RASEF: variants seen among roughly 807,000 people sequenced by gnomAD.
RASEF encodes the protein ras and EF-hand domain-containing protein.
A neutral mutation model predicts 90.1 loss-of-function variants in RASEF; 68 were observed. The observed-to-expected ratio is 0.75, with a 90% confidence interval of 0.62 to 0.92. The LOEUF (loss-of-function observed/expected upper bound fraction) is 0.92. Ranked by LOEUF, RASEF falls within the 40% of genes least tolerant of loss-of-function variation. The pLI, the probability that RASEF is intolerant of heterozygous loss-of-function variation, is 0.00. For missense variants in RASEF, 949 were observed against 937.2 expected (o/e 1.01, Z -0.16); for synonymous variants, 331 against 345.2 (o/e 0.96, Z 0.46).
chr9:83,060,938 A>G (rs1830192077), intron 1 of RASEF, among the ~76,000 whole-genome samples: 2 of 152,214 alleles, frequency 1.3e-5, no homozygotes, highest in South Asian at 2.1e-4. Context: ...ACACTGACCC[A>G]GGTCATTTCA....
chr9:83,155,872 G>A, the RASEF span, among the ~76,000 whole-genome samples: 1 of 152,190 alleles, frequency 6.6e-6, no homozygotes, highest in Non-Finnish European at 1.5e-5. Context: ...CTGCCAGCAT[G>A]ATTTGGTTTC....
chr9:83,208,449 T>C, the RASEF span, among the ~76,000 whole-genome samples: 1 of 152,188 alleles, frequency 6.6e-6, no homozygotes, highest in African/African-American at 2.4e-5. Flanking sequence ...GAAGTAACCA[T>C]TTCTGGGTGG....
At chr9:83,169,341 T>C in the RASEF span, among the ~76,000 whole-genome samples, 1 of 134,568 alleles carries the variant, frequency 7.4e-6, no homozygotes, top group Non-Finnish European at 1.6e-5. Context: ...TCTGATATAC[T>C]GATTTCCATA....
chr9:83,154,181 A>G, the RASEF span, among the ~76,000 whole-genome samples: 1 of 152,180 alleles, frequency 6.6e-6, no homozygotes, highest in Non-Finnish European at 1.5e-5. Context: ...AATGGGGTTC[A>G]GATTCCTTAG....
intron 1 of RASEF, among the ~76,000 whole-genome samples, chr9:83,047,126 C>T (rs1211825185): frequency 6.6e-6 from 1 of 152,008 alleles, no homozygotes; most frequent in Non-Finnish European, 1.5e-5. Flanking sequence ...TTGGTGTGCA[C>T]GTGATGGGAA....
the RASEF span, among the ~76,000 whole-genome samples, chr9:83,204,759 T>C: frequency 6.6e-6 from 1 of 152,180 alleles, no homozygotes; most frequent in Admixed American, 6.5e-5. Flanking sequence ...CTGATACTGA[T>C]AACAATGATG....
the RASEF span, among the ~76,000 whole-genome samples, chr9:83,195,725 C>T: frequency 7.7e-3 from 1,166 of 151,784 alleles, 4 homozygotes; most frequent in Middle Eastern, 0.017. Context: ...CAGGTTGGCT[C>T]GGGAGAGTGC....
the RASEF span, among the ~76,000 whole-genome samples, chr9:83,153,463 C>T: frequency 6.6e-6 from 1 of 152,164 alleles, no homozygotes; most frequent in Non-Finnish European, 1.5e-5. Flanking sequence ...TTTAAGAAGA[C>T]CTTCTCTAAT....
At chr9:83,001,595 A>G (rs180840255) in intron 9 of RASEF, among the ~76,000 whole-genome samples, 5 of 152,300 alleles carry the variant, frequency 3.3e-5, no homozygotes, top group Non-Finnish European at 1.5e-5. Flanking sequence ...TGTCAGACTC[A>G]AGACCCTCAG....
At chr9:83,149,655 C>T in the RASEF span, among the ~76,000 whole-genome samples, 6 of 152,110 alleles carry the variant, frequency 3.9e-5, no homozygotes, top group Non-Finnish European at 7.4e-5. Context: ...GGATCAGACC[C>T]GAGCTTTAAA....
At chr9:83,086,365 C>T in the RASEF span, among the ~76,000 whole-genome samples, 2 of 152,090 alleles carry the variant, frequency 1.3e-5, no homozygotes, top group Non-Finnish European at 2.9e-5. Flanking sequence ...TAAATGGGCT[C>T]AAGCAGAAAC....
chr9:83,186,336 C>T, the RASEF span, among the ~76,000 whole-genome samples: 43 of 152,256 alleles, frequency 2.8e-4, 1 homozygote, highest in Middle Eastern at 0.01. Flanking sequence ...GTTAGAAATG[C>T]GTCCCTACAT....
At chr9:83,054,790 T>G (rs950397450) in intron 1 of RASEF, 1 of 149,360 alleles carries the variant, frequency 6.7e-6, no homozygotes, top group African/African-American at 2.5e-5. Context: ...GCAGGTCTGT[T>G]GGAATACCCT....
At chr9:83,078,289 G>T in the RASEF span, among the ~76,000 whole-genome samples, 2 of 152,152 alleles carry the variant, frequency 1.3e-5, no homozygotes, top group Non-Finnish European at 2.9e-5. Flanking sequence ...AAGCCAGTTA[G>T]GCTTCATAAG....
intron 12 of RASEF, 74 bp downstream of exon 12, chr9:83,000,095 T>C (rs1174763966): frequency 2.0e-5 from 27 of 1,370,920 alleles, no homozygotes; most frequent in Middle Eastern, 1.8e-4. Flanking sequence ...CATCTGTGTA[T>C]GTAATCCCTG....
At chr9:83,102,764 C>T in the RASEF span, among the ~76,000 whole-genome samples, 24 of 152,152 alleles carry the variant, frequency 1.6e-4, no homozygotes, top group African/African-American at 5.8e-4. Context: ...ACAGGGGCCA[C>T]CCCTTATTGT....
the RASEF span, among the ~76,000 whole-genome samples, chr9:83,096,805 C>T: frequency 2.1e-4 from 32 of 151,800 alleles, no homozygotes; most frequent in Admixed American, 5.9e-4. Flanking sequence ...CAACAGGCCC[C>T]GGTGTGTGAT....
chr9:83,168,295 GTGTCTTCTGTGGAGCAA>G, the RASEF span, among the ~76,000 whole-genome samples: 1 of 152,098 alleles, frequency 6.6e-6, no homozygotes, highest in Non-Finnish European at 1.5e-5. Flanking sequence ...GGCCATTTGT[GTGTCTTCTGTGGAGCAA>G]TGTCTATCCA....
intron 1 of RASEF, among the ~76,000 whole-genome samples, chr9:83,037,474 A>G (rs61585462): frequency 0.043 from 6,560 of 152,276 alleles, 431 homozygotes; most frequent in African/African-American, 0.15. Context: ...AGAATAAAGC[A>G]TTGTAGTAAA....
Sources: allele counts gnomAD v4.1 joint callset (sites outside exome capture counted in the v4.1 genomes callset), GRCh38; gene constraint gnomAD v4.1.1; transcripts MANE v1.5; gene names NCBI Gene and HGNC (gene_info 2026-07-23, HGNC 2026-07-21).